Variants in SLC4A10 observed in about 807,000 individuals in gnomAD.
SLC4A10 encodes solute carrier family 4 member 10, also known as sodium-driven chloride bicarbonate exchanger.
In SLC4A10, 42 loss-of-function variants were observed where a neutral mutation model predicts 137.7. The observed-to-expected ratio is 0.30, with a 90% CI of 0.24 to 0.39. SLC4A10 has a LOEUF of 0.39. SLC4A10 is among the 10% of genes least tolerant of loss of function. The pLI is 1.00. For missense variants in SLC4A10, 925 were observed against 1,355.0 expected (o/e 0.68, Z 4.98); for synonymous variants, 474 against 464.1 (o/e 1.02, Z -0.27).
chr2:161,704,790 TTTAA>T (rs1425873316), intron 1 of SLC4A10, among the ~76,000 whole-genome samples: 2 of 151,700 alleles, frequency 1.3e-5, no homozygotes, highest in African/African-American at 4.8e-5. Context: ...TGTTCCATAA[TTTAA>T]TTAAACTTTC....
At chr2:161,902,515 G>A (rs1485191740) in intron 12 of SLC4A10, among the ~76,000 whole-genome samples, 1 of 152,098 alleles carries the variant, frequency 6.6e-6, no homozygotes, top group African/African-American at 2.4e-5. Flanking sequence ...GGGTAGAGAA[G>A]CCTAAGGTGA....
chr2:161,951,438 A>G (rs557586241), intron 19 of SLC4A10, among the ~76,000 whole-genome samples: 3 of 152,310 alleles, frequency 2.0e-5, no homozygotes, highest in Admixed American at 2.0e-4. Flanking sequence ...CCATTTTGCA[A>G]TTGTGAATAA....
intron 1 of SLC4A10, among the ~76,000 whole-genome samples, chr2:161,638,354 A>G (rs1346067274): frequency 6.6e-6 from 1 of 152,124 alleles, no homozygotes; most frequent in Non-Finnish European, 1.5e-5. Flanking sequence ...GCATGTGGAC[A>G]TAGTTTTCCC....
intron 3 of SLC4A10, among the ~76,000 whole-genome samples, chr2:161,816,720 A>G (rs568837470): frequency 8.4e-4 from 123 of 146,404 alleles, no homozygotes; most frequent in Non-Finnish European, 1.4e-3. Context: ...GTGAGTGACA[A>G]CATGCGGTGT....
chr2:161,678,732 T>C (rs2040528759), intron 1 of SLC4A10, among the ~76,000 whole-genome samples: 2 of 152,160 alleles, frequency 1.3e-5, no homozygotes, highest in African/African-American at 4.8e-5. Flanking sequence ...TGAACTCTAG[T>C]GTCTGACATT....
chr2:161,834,888 AC>A (rs1255133792), intron 3 of SLC4A10, among the ~76,000 whole-genome samples: 1 of 152,036 alleles, frequency 6.6e-6, no homozygotes, highest in Non-Finnish European at 1.5e-5. Context: ...TGAACTGAGA[AC>A]CCCAAGGCCA....
intron 22 of SLC4A10, 26 bp downstream of exon 22, chr2:161,964,334 T>G (rs1415512146): frequency 6.2e-7 from 1 of 1,609,780 alleles, no homozygotes; most frequent in Admixed American, 1.7e-5. Flanking sequence ...CAACTATTTT[T>G]CTCTTTCTCT....
chr2:161,852,802 A>T (rs576975867), intron 4 of SLC4A10, among the ~76,000 whole-genome samples: 229 of 152,308 alleles, frequency 1.5e-3, no homozygotes, highest in South Asian at 3.9e-3. Flanking sequence ...TGGCTTGACA[A>T]GGTCACTGGC....
chr2:161,975,128 A>G (rs1334605945), intron 24 of SLC4A10, among the ~76,000 whole-genome samples: 1 of 152,332 alleles, frequency 6.6e-6, no homozygotes, highest in East Asian at 1.9e-4. Flanking sequence ...CTCTAAGATT[A>G]TATTCCCTAG....
At chr2:161,769,152 T>C (rs1216470919) in intron 1 of SLC4A10, among the ~76,000 whole-genome samples, 1 of 152,016 alleles carries the variant, frequency 6.6e-6, no homozygotes, top group African/African-American at 2.4e-5. Flanking sequence ...CTAACCAAAC[T>C]GTTAGAGCCC....
intron 6 of SLC4A10, among the ~76,000 whole-genome samples, chr2:161,864,030 T>G (rs1416936788): frequency 6.6e-6 from 1 of 151,972 alleles, no homozygotes; most frequent in Non-Finnish European, 1.5e-5. Context: ...TGAAACCCCG[T>G]CTCTACTAAA....
intron 1 of SLC4A10, among the ~76,000 whole-genome samples, chr2:161,662,394 T>A (rs913372019): frequency 7.2e-5 from 11 of 151,916 alleles, no homozygotes; most frequent in Non-Finnish European, 7.4e-5. Flanking sequence ...GATGCAGGAT[T>A]TTTTTTTAAA....
intron 10 of SLC4A10, among the ~76,000 whole-genome samples, chr2:161,883,990 G>T (rs78397221): frequency 0.02 from 3,078 of 152,108 alleles, 66 homozygotes; most frequent in African/African-American, 0.057. Flanking sequence ...TGTGTATTTT[G>T]GGAGGAAATT....
chr2:161,832,135 T>C (rs935099315), intron 3 of SLC4A10, among the ~76,000 whole-genome samples: 2 of 152,220 alleles, frequency 1.3e-5, no homozygotes, highest in African/African-American at 4.8e-5. Context: ...CTTACCTTGG[T>C]TCTCCCCTGT....
At chr2:161,947,160 T>C (rs558288397) in intron 16 of SLC4A10, among the ~76,000 whole-genome samples, 84 of 152,206 alleles carry the variant, frequency 5.5e-4, no homozygotes, top group Non-Finnish European at 1.0e-3. Context: ...TTTTATGGTA[T>C]TGGTGTGAAA....
intron 9 of SLC4A10, among the ~76,000 whole-genome samples, chr2:161,880,833 G>A (rs1260632790): frequency 6.6e-6 from 1 of 152,038 alleles, no homozygotes; most frequent in Non-Finnish European, 1.5e-5. Context: ...TGAACTATGA[G>A]CAAATGATGG....
intron 1 of SLC4A10, among the ~76,000 whole-genome samples, chr2:161,764,465 G>A (rs565204228): frequency 8.5e-5 from 13 of 152,168 alleles, no homozygotes; most frequent in Admixed American, 2.0e-4. Context: ...AAACTGCTTT[G>A]TCCTCTATTC....
At chr2:161,954,610 G>A (rs1353592749) in intron 19 of SLC4A10, among the ~76,000 whole-genome samples, 2 of 152,140 alleles carry the variant, frequency 1.3e-5, no homozygotes, top group African/African-American at 4.8e-5. Flanking sequence ...TTAAATGAAA[G>A]GCAAGAAGGA....
chr2:161,706,560 C>T (rs2043682742), intron 1 of SLC4A10, among the ~76,000 whole-genome samples: 1 of 151,530 alleles, frequency 6.6e-6, no homozygotes, highest in South Asian at 2.1e-4. Context: ...TGATTTGTCT[C>T]CCGTCCTCCA....
Sources: gnomAD v4.1 joint callset for allele counts (sites outside exome capture counted in the v4.1 genomes callset) on GRCh38, gnomAD v4.1.1 for gene constraint, MANE v1.5 for transcripts, NCBI Gene and HGNC (gene_info 2026-07-23, HGNC 2026-07-21) for gene names.